Variants in GLP2R observed in about 807,000 individuals in gnomAD.
The protein encoded by GLP2R is glucagon like peptide 2 receptor.
A neutral mutation model predicts 68.2 loss-of-function variants in GLP2R; 59 were observed. The observed-to-expected ratio is 0.87, with a 90% CI of 0.70 to 1.07. The LOEUF (loss-of-function observed/expected upper bound fraction) is 1.07, where lower values mean the gene tolerates loss of function less well. Ranked by LOEUF, GLP2R falls within the 50% of genes least tolerant of loss-of-function variation. The pLI is 0.00. For missense variants in GLP2R, 548 were observed against 677.4 expected, an observed-to-expected ratio of 0.81 and a Z score of 2.12; for synonymous variants, 270 against 265.4, an observed-to-expected ratio of 1.02 and a Z score of -0.17.
At chr17:9,886,149 A>G (rs17810453) in intron 11 of GLP2R, among the ~76,000 whole-genome samples, 31,405 of 152,222 alleles carry the variant, frequency 0.21, 4,266 homozygotes, top group Non-Finnish European at 0.31. Context: ...CACCATGGGA[A>G]TTGGCAAGAA....
At chr17:9,873,897 A>G (rs2067120776) in intron 10 of GLP2R, among the ~76,000 whole-genome samples, 1 of 152,186 alleles carries the variant, frequency 6.6e-6, no homozygotes, top group Admixed American at 6.5e-5. Context: ...TGGTCGGGCC[A>G]TTATAAATGT....
At chr17:9,859,884 A>C in intron 6 of GLP2R, 58 bp from the exon 7 acceptor site, 1 of 1,078,148 alleles carries the variant, frequency 9.3e-7, no homozygotes, top group Non-Finnish European at 1.2e-6. Context: ...TTCTCCCCCG[A>C]CTCGGGATCA....
intron 9 of GLP2R, among the ~76,000 whole-genome samples, chr17:9,870,384 TAAC>T (rs1180730255): frequency 6.6e-6 from 1 of 152,204 alleles, no homozygotes; most frequent in Admixed American, 6.5e-5. Flanking sequence ...TTAATAATAA[TAAC>T]AATAATAGTA....
At chr17:9,839,941 C>T (rs1838404815) in intron 3 of GLP2R, among the ~76,000 whole-genome samples, 1 of 152,056 alleles carries the variant, frequency 6.6e-6, no homozygotes, top group South Asian at 2.1e-4. Context: ...TCAGACCTCT[C>T]CCCTCAACTA....
At chr17:9,866,000 A>G in intron 9 of GLP2R, 1 of 449,086 alleles carries the variant, frequency 2.2e-6, no homozygotes. Flanking sequence ...CCTGAACAAT[A>G]AGGAGCTAAA....
chr17:9,840,652 T>C (rs974100543), intron 3 of GLP2R, among the ~76,000 whole-genome samples: 19 of 152,150 alleles, frequency 1.2e-4, no homozygotes, highest in Non-Finnish European at 2.5e-4. Context: ...TTAAACAAGA[T>C]GGGGAAGGGA....
intron 4 of GLP2R, among the ~76,000 whole-genome samples, chr17:9,848,196 T>C (rs1354235917): frequency 1.3e-5 from 2 of 152,230 alleles, no homozygotes; most frequent in African/African-American, 2.4e-5. Flanking sequence ...TTTGTCTGAC[T>C]TTTTTCACAT....
intron 3 of GLP2R, among the ~76,000 whole-genome samples, chr17:9,837,320 G>C (rs1190464374): frequency 6.6e-6 from 1 of 152,114 alleles, no homozygotes; most frequent in African/African-American, 2.4e-5. Flanking sequence ...ATGTCCATGA[G>C]TTCAATTGTT....
intron 1 of GLP2R, among the ~76,000 whole-genome samples, chr17:9,832,785 AC>A (rs566272334): frequency 2.6e-5 from 4 of 152,210 alleles, no homozygotes; most frequent in Non-Finnish European, 5.9e-5. Context: ...TGGTACAGGT[AC>A]ACAACTAGAA....
Position 9,878,162 on chromosome 17 carries a change from G to A in GLP2R, c.1146-2216G>A, listed in dbSNP as rs902707284. ...GTAACACAATTGAGTAGTACAAGCCGGGTGGGGGCTGGATGTCACAGCTTC... is the reference window on the plus strand; with the variant it reads ...GTAACACAATTGAGTAGTACAAGCCAGGTGGGGGCTGGATGTCACAGCTTC... On this transcript the variant is annotated intron_variant, in intron 10 of 12. Transcript: ENST00000262441. Among the ~76,000 whole-genome samples the A allele has an allele frequency of 5.3e-5, 8 of 152,112 alleles. No homozygotes were observed. The South Asian group carries it at 6.2e-4, about 12-fold the overall frequency.
intron 4 of GLP2R, chr17:9,852,718 G>T (rs1414158895): frequency 8.2e-5 from 20 of 243,332 alleles, no homozygotes; most frequent in Non-Finnish European, 1.3e-4. Context: ...TTTGATTTTT[G>T]TGCATTTTTG....
At chr17:9,843,660 T>C (rs1481861217) in intron 4 of GLP2R, among the ~76,000 whole-genome samples, 1 of 152,216 alleles carries the variant, frequency 6.6e-6, no homozygotes, top group Non-Finnish European at 1.5e-5. Flanking sequence ...CGTTGGACTC[T>C]TGCTCTTCTC....
chr17:9,859,678 G>T (rs2066967471), intron 6 of GLP2R, among the ~76,000 whole-genome samples: 1 of 149,934 alleles, frequency 6.7e-6, no homozygotes, highest in Non-Finnish European at 1.5e-5. Flanking sequence ...AATTAGCTAG[G>T]TGTGGTGGCA....
intron 9 of GLP2R, among the ~76,000 whole-genome samples, chr17:9,870,545 C>T (rs1015623369): frequency 1.3e-5 from 2 of 152,116 alleles, no homozygotes; most frequent in Admixed American, 6.5e-5. Flanking sequence ...ATTCAGATGG[C>T]CTTTGGGACA....
At chr17:9,836,544 C>T in intron 3 of GLP2R, 69 bp downstream of exon 3, 1 of 837,730 alleles carries the variant, frequency 1.2e-6, no homozygotes, top group South Asian at 1.3e-5. Flanking sequence ...CCCCCACAAA[C>T]AGTCCCCGTC....
intron 10 of GLP2R, among the ~76,000 whole-genome samples, chr17:9,874,111 C>T (rs948992421): frequency 6.6e-6 from 1 of 152,016 alleles, no homozygotes; most frequent in African/African-American, 2.4e-5. Context: ...ATATACAATG[C>T]CTATTATCCT....
At chr17:9,873,920 A>G (rs940634754) in intron 10 of GLP2R, among the ~76,000 whole-genome samples, 1 of 152,262 alleles carries the variant, frequency 6.6e-6, no homozygotes, top group East Asian at 1.9e-4. Context: ...TGCAGCCTCA[A>G]TGTTCTCTTT....
Position 9,891,549 on chromosome 17 carries a change from A to G in GLP2R, c.*1844A>G, listed in dbSNP as rs1417404468. 2.0e-5 allele frequency: 3 copies of G among 152,142 alleles called. No homozygotes were observed. The East Asian group carries it at 5.8e-4, about 29-fold the overall frequency. The allele number at this position is 152,142 out of a possible 1,614,324, so 9.4% of individuals were successfully genotyped here. On this transcript the variant is annotated 3_prime_UTR_variant, in exon 13 of 13. Coordinates refer to ENST00000262441, the MANE Select transcript of GLP2R (RefSeq NM_004246.3). ...TTAATGTGAATTTTTATTTTTAGAC[A>G]ATTGCATTAAAATGTTATTTATATT...
intron 3 of GLP2R, among the ~76,000 whole-genome samples, chr17:9,837,927 C>G (rs1483855056): frequency 6.6e-6 from 1 of 152,096 alleles, no homozygotes; most frequent in African/African-American, 2.4e-5. Context: ...TCCCATTGTG[C>G]AACTTTAGTT....
Sources: allele counts gnomAD v4.1 joint callset (sites outside exome capture counted in the v4.1 genomes callset), GRCh38; gene constraint gnomAD v4.1.1; transcripts MANE v1.5; gene names NCBI Gene and HGNC (gene_info 2026-07-23, HGNC 2026-07-21).